ARHGEF26: variants seen among roughly 807,000 people sequenced by gnomAD.
The protein encoded by ARHGEF26 is Rho guanine nucleotide exchange factor (GEF) 26.
In ARHGEF26, 59 loss-of-function variants were observed where a neutral mutation model predicts 89.4. The ratio of observed to expected loss-of-function variants is 0.66; its 90% CI spans 0.54 to 0.82. The LOEUF (loss-of-function observed/expected upper bound fraction) is 0.82, where lower values mean the gene tolerates loss of function less well. Ranked by LOEUF, ARHGEF26 falls within the 40% of genes least tolerant of loss-of-function variation. The probability of loss-of-function intolerance (pLI) is 0.00; values close to 1 mark genes in which losing one functional copy is unlikely to be tolerated. For missense variants in ARHGEF26, 1,234 were observed against 1,085.6 expected (o/e 1.14, Z -1.92); for synonymous variants, 500 against 428.4 (o/e 1.17, Z -2.06).
chr3:154,150,016 G>T (rs1351971796), intron 5 of ARHGEF26, among the ~76,000 whole-genome samples: 6 of 149,820 alleles, frequency 4.0e-5, no homozygotes, highest in African/African-American at 1.2e-4. Flanking sequence ...TAATAATATT[G>T]TGAAGCTCTC....
intron 12 of ARHGEF26, among the ~76,000 whole-genome samples, chr3:154,241,269 AATC>A (rs1408990236): frequency 2.6e-5 from 4 of 152,154 alleles, no homozygotes; most frequent in Non-Finnish European, 5.9e-5. Flanking sequence ...CTCTTGCAAT[AATC>A]ATCATGGGCA....
chr3:154,206,758 A>G (rs1715041976), intron 9 of ARHGEF26, among the ~76,000 whole-genome samples: 1 of 152,218 alleles, frequency 6.6e-6, no homozygotes, highest in South Asian at 2.1e-4. Flanking sequence ...TTAGAAAAAA[A>G]GTATTTTAAA....
chr3:154,227,719 C>G (rs1264337718), intron 11 of ARHGEF26, among the ~76,000 whole-genome samples: 1 of 152,178 alleles, frequency 6.6e-6, no homozygotes, highest in Non-Finnish European at 1.5e-5. Context: ...ATATATGTCT[C>G]TTCAAATGCC....
chr3:154,256,428 G>T lies in ARHGEF26; in HGVS notation c.*955G>T. Reference sequence around the variant, plus strand: ...AGTAGAGACAGGGTTTCATCATGTTGGCCAGGATGGTCTCTTAACTCCTGC... The same window carrying T: ...AGTAGAGACAGGGTTTCATCATGTTTGCCAGGATGGTCTCTTAACTCCTGC... On this transcript the variant is annotated 3_prime_UTR_variant, in exon 15 of 15. Transcript: ENST00000465093. 1 of 785,764 alleles carries T rather than the reference G, an allele frequency of 1.3e-6. No homozygotes were observed. Among genetic ancestry groups the T allele is most frequent in the Non-Finnish European group, 1.5e-6 (1 of 649,328 alleles). 48.7% of individuals were successfully genotyped at this position (785,764 alleles called of 1,614,324 possible).
chr3:154,124,591 T>C (rs1718214010), intron 3 of ARHGEF26, 142 bp downstream of exon 3: 1 of 730,882 alleles, frequency 1.4e-6, no homozygotes, highest in South Asian at 2.4e-5. Flanking sequence ...CCAAAGCTTC[T>C]CACTAAGCTA....
At chr3:154,194,390 A>G (rs887499474) in intron 8 of ARHGEF26, among the ~76,000 whole-genome samples, 17 of 152,234 alleles carry the variant, frequency 1.1e-4, no homozygotes, top group Non-Finnish European at 1.5e-5. Context: ...TAGTAAGGGC[A>G]GACCTGGGAT....
chr3:154,189,411 C>T (rs1212622639), intron 7 of ARHGEF26, among the ~76,000 whole-genome samples: 1 of 142,794 alleles, frequency 7.0e-6, no homozygotes, highest in African/African-American at 2.6e-5. Context: ...AATCTTGGGT[C>T]ACTGCAACTT....
chr3:154,165,810 A>G (rs1203039597), intron 6 of ARHGEF26, among the ~76,000 whole-genome samples: 1 of 152,048 alleles, frequency 6.6e-6, no homozygotes, highest in Non-Finnish European at 1.5e-5. Flanking sequence ...TGAGTCTGTT[A>G]TCACCAGCTC....
intron 1 of ARHGEF26, 135 bp downstream of exon 1, chr3:154,121,654 C>G (rs1034297827): frequency 3.5e-6 from 1 of 286,550 alleles, no homozygotes. Context: ...GTTTCTTGTG[C>G]CTCGGCTTGC....
At chr3:154,206,016 A>C (rs1189596405) in intron 9 of ARHGEF26, among the ~76,000 whole-genome samples, 1 of 152,092 alleles carries the variant, frequency 6.6e-6, no homozygotes, top group East Asian at 1.9e-4. Context: ...ATTATTGATT[A>C]ATATCATTTT....
chr3:154,243,308 T>C (rs979480647), intron 12 of ARHGEF26, among the ~76,000 whole-genome samples: 1 of 152,220 alleles, frequency 6.6e-6, no homozygotes, highest in African/African-American at 2.4e-5. Flanking sequence ...TTTTGCCTTG[T>C]GTTTTCCTTT....
intron 6 of ARHGEF26, among the ~76,000 whole-genome samples, chr3:154,176,800 A>T (rs530840616): frequency 1.1e-3 from 169 of 152,246 alleles, no homozygotes; most frequent in African/African-American, 3.9e-3. Flanking sequence ...TTTACCTTTT[A>T]AAAAAATACA....
At chr3:154,253,779 T>C (rs1216475817) in intron 13 of ARHGEF26, among the ~76,000 whole-genome samples, 1 of 152,172 alleles carries the variant, frequency 6.6e-6, no homozygotes, top group Non-Finnish European at 1.5e-5. Context: ...TTATTACAGT[T>C]GCAAGGTCAA....
intron 4 of ARHGEF26, among the ~76,000 whole-genome samples, chr3:154,137,970 T>C (rs937464781): frequency 6.6e-6 from 1 of 152,286 alleles, no homozygotes; most frequent in East Asian, 1.9e-4. Flanking sequence ...AATCCACATA[T>C]ATACATTTAA....
At chr3:154,192,917 C>T (rs535354039) in intron 8 of ARHGEF26, among the ~76,000 whole-genome samples, 1 of 152,218 alleles carries the variant, frequency 6.6e-6, no homozygotes, top group African/African-American at 2.4e-5. Flanking sequence ...GATGGCCAAG[C>T]CTTTTATATC....
At chr3:154,128,765 CT>C in intron 3 of ARHGEF26, among the ~76,000 whole-genome samples, 1 of 152,162 alleles carries the variant, frequency 6.6e-6, no homozygotes, top group Non-Finnish European at 1.5e-5. Context: ...ACTTTCTCAC[CT>C]GTTCTATGTC....
chr3:154,153,096 T>G (rs956367786), intron 6 of ARHGEF26, among the ~76,000 whole-genome samples, 164 bp downstream of exon 6: 7 of 152,206 alleles, frequency 4.6e-5, no homozygotes, highest in African/African-American at 1.7e-4. Flanking sequence ...GTTTGGTGAA[T>G]AGACAGATGC....
rs188991834 is a variant in ARHGEF26, at chr3:154,122,742, C to G, written c.750C>G (p.Ile250Met). 3 of 1,612,794 alleles carry G rather than the reference C, an allele frequency of 1.9e-6. No homozygotes were observed. The highest frequency in any genetic ancestry group is 2.7e-5 in the African/African-American group (2 of 75,022). Residue 250 changes from isoleucine (I) to methionine (M), a missense_variant, in exon 2 of 15, where the codon ATC (isoleucine) becomes ATG (methionine). Physicochemically the swap from Ile to Met is conservative, Grantham distance 10 (BLOSUM62 1). Transcript: ENST00000465093. ...PAALKVGKQQ[I>M]IPKSLASEIK... ...CCCTCAAAGTGGGGAAGCAGCAGATCATTCCGAAGAGTCTGGCCTCGGAAA... is the reference window on the plus strand; with the variant it reads ...CCCTCAAAGTGGGGAAGCAGCAGATGATTCCGAAGAGTCTGGCCTCGGAAA...
Position 154,165,011 on chromosome 3 carries a change from T to TA in ARHGEF26, c.1487+12085dup, listed in dbSNP as rs1409527202. Among the ~76,000 whole-genome samples, 5 of 152,280 alleles carry TA rather than the reference T, an allele frequency of 3.3e-5. No homozygotes were observed. The South Asian group carries it at 8.3e-4, about 25-fold the overall frequency. ...TTAAGGATTTTTAGGAAGACTGGTT[T>TA]AAAAAATGTATGTCACAGGTATAGA... On this transcript the variant is annotated intron_variant, in intron 6 of 14. Transcript: ENST00000465093.
Sources: gnomAD v4.1 joint callset for allele counts (sites outside exome capture counted in the v4.1 genomes callset) on GRCh38, gnomAD v4.1.1 for gene constraint, MANE v1.5 for transcripts, NCBI Gene and HGNC (gene_info 2026-07-23, HGNC 2026-07-21) for gene names.